Variants in NEB observed in about 807,000 individuals in gnomAD.
NEB encodes the protein nemaline myopathy type 2.
Under a neutral mutation model 952.2 loss-of-function variants are expected in NEB, and 512 were observed. The ratio of observed to expected loss-of-function variants is 0.54; its 90% CI spans 0.50 to 0.58. The LOEUF (loss-of-function observed/expected upper bound fraction) is 0.58, where lower values mean the gene tolerates loss of function less well. Among genes scored for constraint, NEB ranks in the 20% least tolerant of loss-of-function variants. NEB has a pLI of 0.00. For missense variants in NEB, 8,428 were observed against 9,231.1 expected (o/e 0.91, Z 3.56); for synonymous variants, 2,900 against 3,149.8 (o/e 0.92, Z 2.66).
Position 151,502,842 on chromosome 2 carries a change from A to T in NEB, c.23879T>A (p.Ile7960Asn). Residue 7960 changes from isoleucine to asparagine, a missense_variant, in exon 167 of 182, where the codon ATC becomes AAC. Ile to Asn is a moderately radical substitution (Grantham distance 149, BLOSUM62 -3). Transcript: ENST00000397345. ...TTTGACTCTCTCCATCTCTGGAGTG[A>T]TAGGTGTTGGGATTCCTTTCCCCAA... ...ENLGKGIPTPITPEMERVKRN... is the reference protein window; with the variant it reads ...ENLGKGIPTPNTPEMERVKRN... The T allele has an allele frequency of 6.2e-7, 1 of 1,608,992 alleles. No homozygotes were observed. Among genetic ancestry groups the T allele is most frequent in the East Asian group, 2.2e-5 (1 of 44,748 alleles).
intron 156 of NEB, among the ~76,000 whole-genome samples, chr2:151,517,524 G>T (rs144993309): frequency 2.7e-4 from 41 of 152,280 alleles, no homozygotes; most frequent in African/African-American, 9.9e-4. Context: ...GTCATGAATT[G>T]CTTAACAACT....
chr2:151,655,809 C>A lies in NEB; in HGVS notation c.6702+8G>T. On this transcript the variant is annotated splice_region_variant and intron_variant, in intron 50 of 181. Transcript: ENST00000397345. ...GGGAGCTGTGTGGACGGCCACTGTT[C>A]TCTGTACCTTGTTCATGGTATGTGC... 1 of 1,613,364 alleles carries A rather than the reference C, an allele frequency of 6.2e-7. No homozygotes were observed. The highest frequency in any genetic ancestry group is 8.5e-7 in the Non-Finnish European group (1 of 1,179,548).
At chr2:151,503,052 C>A in intron 166 of NEB, 167 bp from the exon 167 acceptor site, 1 of 591,330 alleles carries the variant, frequency 1.7e-6, no homozygotes, top group South Asian at 2.3e-5. Flanking sequence ...ATGAACTCTA[C>A]AATGCTAATT....
rs144709880 is a variant in NEB, at chr2:151,497,662, C to T, written c.24264G>A (p.Met8088Ile). The T allele has an allele frequency of 7.9e-4, 1,251 of 1,585,128 alleles. 11 individuals are homozygous for T. The African/African-American group carries it at 0.015, about 18-fold the overall frequency. The change falls in exon 171 of 182, where the codon ATG becomes ATA. Residue 8088 changes from methionine (M) to isoleucine (I), a missense_variant. Met to Ile is a conservative substitution (Grantham distance 10). Around this residue, in one of 11 missense-constraint regions of NEB, gnomAD observed 3,374 missense variants for 3,651.5 expected, o/e 0.92. Coordinates refer to ENST00000397345, the MANE Select transcript of NEB (RefSeq NM_001164508.2). ...KGTPLPVTPE[M>I]ERVKHNQENI... Reference sequence around the variant, plus strand: ...TTTCTTGATTGTGTTTGACTCTTTCCATCTCGGGAGTGACAGGTAAAGGGG... The same window carrying T: ...TTTCTTGATTGTGTTTGACTCTTTCTATCTCGGGAGTGACAGGTAAAGGGG...
At position 151,671,181 on chromosome 2, in the gene NEB, T is replaced by A; in HGVS notation, c.4348A>T (p.Ile1450Phe). ...TCCACCTCCAGGGAACCAATAGGGA[T>A]CCATCCGATGCCCTTCAAGAAGCTG... ...YNSFLKGIGW[I>F]PIGSLEVEKV... Residue 1450 changes from isoleucine to phenylalanine, a missense_variant, in exon 38 of 182, where the codon ATC becomes TTC. Around this residue, in one of 11 missense-constraint regions of NEB, gnomAD observed 2,851 missense variants for 2,791.5 expected, o/e 1.02. Transcript: ENST00000397345. 1.2e-6 allele frequency: 2 copies of A among 1,613,968 alleles called. No individual in the cohort carries two copies. Among genetic ancestry groups the A allele is most frequent in the Non-Finnish European group, 1.7e-6 (2 of 1,179,862 alleles).
intron 176 of NEB, chr2:151,493,150 A>G: frequency 1.9e-6 from 1 of 529,378 alleles, no homozygotes; most frequent in South Asian, 2.5e-5. Context: ...GTAAAAGCAC[A>G]GTTAATGTCT....
At chr2:151,617,272 G>T in intron 75 of NEB, 92 bp downstream of exon 75, 1 of 778,260 alleles carries the variant, frequency 1.3e-6, no homozygotes, top group Non-Finnish European at 2.1e-6. Flanking sequence ...TGTAGTATGT[G>T]TAGTAAATTA....
intron 29 of NEB, 24 bp downstream of exon 29, chr2:151,682,638 C>T (rs753052594): frequency 1.7e-5 from 27 of 1,565,626 alleles, no homozygotes; most frequent in Non-Finnish European, 2.3e-5. Flanking sequence ...ACCACTCTCC[C>T]TCTGACACAC....
At chr2:151,701,590 T>C (rs906462397) in intron 13 of NEB, among the ~76,000 whole-genome samples, 24 of 151,872 alleles carry the variant, frequency 1.6e-4, no homozygotes, top group Admixed American at 1.3e-3. Flanking sequence ...TGGTTTAGTC[T>C]TGGGAGATTG....
intron 36 of NEB, among the ~76,000 whole-genome samples, chr2:151,673,990 G>C (rs1384460973): frequency 2.0e-5 from 3 of 152,054 alleles, no homozygotes; most frequent in African/African-American, 7.2e-5. Flanking sequence ...GAAAGGAGTA[G>C]AAGTGTATAC....
Position 151,707,284 on chromosome 2 carries a change from C to T in NEB, c.1036-287G>A, listed in dbSNP as rs552014509. Among the ~76,000 whole-genome samples, 9 of 152,228 alleles carry T rather than the reference C, an allele frequency of 5.9e-5. No homozygotes were observed. In the South Asian group the frequency reaches 1.7e-3, roughly 28 times the overall value. On this transcript the variant is annotated intron_variant, in intron 12 of 181. Transcript: ENST00000397345. ...TATAAGAAAGAACACATGGTCCTTG[C>T]CCTCAAAGAGAGAGATACAGAAATA...
At chr2:151,530,472 G>T (rs1198786597) in intron 145 of NEB, among the ~76,000 whole-genome samples, 1 of 152,170 alleles carries the variant, frequency 6.6e-6, no homozygotes, top group East Asian at 1.9e-4. Context: ...TGTTCCGAGG[G>T]AGCCATAGTG....
At chr2:151,618,036 G>A (rs796532008) in intron 74 of NEB, among the ~76,000 whole-genome samples, 16 of 152,096 alleles carry the variant, frequency 1.1e-4, no homozygotes, top group African/African-American at 3.9e-4. Context: ...CTCCAGCCTG[G>A]GCGACGAGAA....
Position 151,610,461 on chromosome 2 carries a change from C to T in NEB, c.12018+55G>A. 4 of 1,384,102 alleles carry T rather than the reference C, an allele frequency of 2.9e-6. No homozygotes were observed. In the South Asian group the frequency reaches 4.7e-5, roughly 16 times the overall value. 85.7% of individuals were successfully genotyped at this position (1,384,102 alleles called of 1,614,324 possible). On this transcript the variant is annotated intron_variant, in intron 80 of 181. Transcript: ENST00000397345. Reference sequence around the variant, plus strand: ...TAGAGTGTGTGGTTCACCAGCCACCCTCTGGGTTGTTCAGCACAGTGGAGA... The same window carrying T: ...TAGAGTGTGTGGTTCACCAGCCACCTTCTGGGTTGTTCAGCACAGTGGAGA...
In NEB at chr2:151,733,283, T is replaced by C. The variant is rs1211546497; in HGVS notation, c.-29-98A>G. On this transcript the variant is annotated intron_variant, in intron 2 of 181. Coordinates refer to ENST00000397345, the MANE Select transcript of NEB (RefSeq NM_001164508.2). The stretch of plus-strand genomic sequence containing the variant: ...AAAAATAGAATTTGAAGCTAAACTA[T>C]TGTACAAATTCATATATTGTTGCAG... The C allele has an allele frequency of 5.7e-6, 5 of 871,838 alleles. No homozygotes were observed. The East Asian group carries it at 1.3e-4, about 23-fold the overall frequency. 54.0% of individuals were successfully genotyped at this position (871,838 alleles called of 1,614,324 possible).
intron 10 of NEB, among the ~76,000 whole-genome samples, chr2:151,711,743 A>C (rs1483481023): frequency 1.3e-5 from 2 of 152,208 alleles, no homozygotes; most frequent in Non-Finnish European, 2.9e-5. Flanking sequence ...CATTCGCTAA[A>C]GAGTGCTTTG....
intron 9 of NEB, among the ~76,000 whole-genome samples, chr2:151,718,636 A>G (rs753909783): frequency 7.2e-5 from 11 of 151,808 alleles, no homozygotes; most frequent in Non-Finnish European, 1.6e-4. Flanking sequence ...AGAGGGAATG[A>G]CTCCTGCACC....
intron 63 of NEB, 39 bp from the exon 64 acceptor site, chr2:151,636,373 T>C: frequency 1.3e-6 from 2 of 1,492,386 alleles, no homozygotes; most frequent in Non-Finnish European, 1.8e-6. Flanking sequence ...CTGACATTTA[T>C]ATCTAAAAAC....
intron 32 of NEB, among the ~76,000 whole-genome samples, chr2:151,678,927 T>A (rs1032233498): frequency 2.0e-5 from 3 of 152,158 alleles, no homozygotes; most frequent in Admixed American, 6.5e-5. Flanking sequence ...ACTGGTGCGA[T>A]GTAAACCTAA....
Sources: gnomAD v4.1 joint callset for allele counts (sites outside exome capture counted in the v4.1 genomes callset) on GRCh38, gnomAD v4.1.1 for gene constraint, gnomAD v4.1.1 regional missense constraint, MANE v1.5 for transcripts, NCBI Gene and HGNC (gene_info 2026-07-23, HGNC 2026-07-21) for gene names.